The following HEATR1 variants were observed in gnomAD, a reference collection of about 807,000 sequenced individuals.
HEATR1 encodes HEAT repeat containing 1.
In HEATR1, 77 loss-of-function variants were observed where a neutral mutation model predicts 248.2. The observed-to-expected ratio is 0.31, with a 90% CI of 0.26 to 0.37. The LOEUF is 0.37. Among genes scored for constraint, HEATR1 ranks in the 10% least tolerant of loss-of-function variants. HEATR1 has a pLI of 1.00. For missense variants in HEATR1, 2,420 were observed against 2,504.9 expected (o/e 0.97, Z 0.72); for synonymous variants, 897 against 923.1 (o/e 0.97, Z 0.51).
chr1:236,572,912 T>A lies in HEATR1; in HGVS notation c.3460-84A>T, dbSNP rs996490341. 17 of 1,223,196 alleles carry A rather than the reference T, an allele frequency of 1.4e-5. No individual in the cohort carries two copies. In the Admixed American group the frequency reaches 2.8e-4, roughly 20 times the overall value. 75.8% of individuals were successfully genotyped at this position (1,223,196 alleles called of 1,614,324 possible). A position where few individuals can be genotyped will look rare whatever the true frequency, so the allele number is the denominator to read the frequency against. On this transcript the variant is annotated intron_variant, in intron 24 of 44. Coordinates refer to ENST00000366582, the MANE Select transcript of HEATR1 (RefSeq NM_018072.6). ...ATAAATGTTAACCCCTAGGAAGGAT[T>A]TATTCAATTAAGAGGGAAGAATGAC...
chr1:236,603,373 C>A lies in HEATR1; in HGVS notation c.146G>T (p.Cys49Phe). The A allele has an allele frequency of 6.2e-7, 1 of 1,613,084 alleles. No individual in the cohort carries two copies. Among genetic ancestry groups the A allele is most frequent in the Non-Finnish European group, 8.5e-7 (1 of 1,179,666 alleles). The change falls in exon 3 of 45, where the codon TGT (cysteine) becomes TTT (phenylalanine). Residue 49 changes from cysteine (C) to phenylalanine (F), a missense_variant. Transcript: ENST00000366582. ...TCCAAGCAACTCTTCCAGGCCAGTACATCCTAAATTTCAAAAAAGGCCAGT... is the reference window on the plus strand; with the variant it reads ...TCCAAGCAACTCTTCCAGGCCAGTAAATCCTAAATTTCAAAAAAGGCCAGT... Reference protein sequence around the residue: ...IDRDTAFAIGCTGLEELLGID... With the variant: ...IDRDTAFAIGFTGLEELLGID...
Position 236,588,000 on chromosome 1 carries a change from C to A in HEATR1, c.1574G>T (p.Arg525Leu), listed in dbSNP as rs372480318. 2 of 1,612,474 alleles carry A rather than the reference C, an allele frequency of 1.2e-6. No individual in the cohort carries two copies. Among genetic ancestry groups the A allele is most frequent in the South Asian group, 1.1e-5 (1 of 90,810 alleles). ...ESFIKEAVLA[R>L]LGDDNIDVVL... ...AACATCTATATTATCATCACCTAAT[C>A]GGGCTAAAACAGCTTCTTTTATGAA... Residue 525 changes from arginine (R) to leucine (L), a missense_variant, in exon 13 of 45, where the codon CGA becomes CTA. Arg to Leu is a moderately radical substitution (Grantham distance 102). Coordinates refer to ENST00000366582, the MANE Select transcript of HEATR1 (RefSeq NM_018072.6).
Position 236,558,397 on chromosome 1 carries a change from C to T in HEATR1, c.5044G>A (p.Gly1682Ser), listed in dbSNP as rs771843600. 9 of 1,614,056 alleles carry T rather than the reference C, an allele frequency of 5.6e-6. No individual in the cohort carries two copies. In the African/African-American group the frequency reaches 1.2e-4, roughly 22 times the overall value. Reference sequence around the variant, plus strand: ...ACAAAAGGATCTGGATTTTCTGCACCAAAATTCTTGCATAAAAGCTTTAAG... The same window carrying T: ...ACAAAAGGATCTGGATTTTCTGCACTAAAATTCTTGCATAAAAGCTTTAAG... ...YTLKLLCKNF[G>S]AENPDPFVPV... Residue 1682 changes from glycine (G) to serine (S), a missense_variant, in exon 36 of 45, where the codon GGT becomes AGT. Physicochemically the swap from Gly to Ser is moderately conservative, Grantham distance 56 (BLOSUM62 0). Transcript: ENST00000366582.
Position 236,550,879 on chromosome 1 carries a change from A to G in HEATR1, c.*23T>C. The G allele has an allele frequency of 6.5e-7, 1 of 1,538,710 alleles. No homozygotes were observed. The highest frequency in any genetic ancestry group is 1.7e-4 in the Middle Eastern group (1 of 5,756). On this transcript the variant is annotated 3_prime_UTR_variant, in exon 45 of 45. Coordinates refer to ENST00000366582, the MANE Select transcript of HEATR1 (RefSeq NM_018072.6). ...AAATATGAGTGTGAACTCTGAGTAG[A>G]GTATGAAACACCACAGAAAGTCTTA...
chr1:236,560,754 G>A (rs12061537), intron 33 of HEATR1, among the ~76,000 whole-genome samples: 6,247 of 152,250 alleles, frequency 0.041, 434 homozygotes, highest in African/African-American at 0.14. Context: ...GCAGCATATG[G>A]ATTAGAATCC....
Position 236,555,277 on chromosome 1 carries a change from A to G in HEATR1, c.5923+19T>C. The G allele has an allele frequency of 6.2e-7, 1 of 1,612,654 alleles. No individual in the cohort carries two copies. The highest frequency in any genetic ancestry group is 8.5e-7 in the Non-Finnish European group (1 of 1,179,158). Reference sequence around the variant, plus strand: ...GCACACAGGGCAAGGGTGACAGCTGAACTGAAGCGACCACCCACCTGTTTT... The same window carrying G: ...GCACACAGGGCAAGGGTGACAGCTGGACTGAAGCGACCACCCACCTGTTTT... On this transcript the variant is annotated intron_variant, in intron 41 of 44. Transcript: ENST00000366582.
chr1:236,575,145 A>C (rs1427681286), intron 22 of HEATR1, among the ~76,000 whole-genome samples: 2 of 152,222 alleles, frequency 1.3e-5, no homozygotes, highest in African/African-American at 4.8e-5. Flanking sequence ...CAGAAAGATA[A>C]TCTGTGAGCA....
At chr1:236,575,648 CCA>C (rs2103137335) in intron 22 of HEATR1, among the ~76,000 whole-genome samples, 1 of 152,214 alleles carries the variant, frequency 6.6e-6, no homozygotes, top group African/African-American at 2.4e-5. Flanking sequence ...TTCTCTAAGC[CCA>C]CAGTCAGTCT....
In HEATR1 at chr1:236,571,595, A is replaced by T. The variant is rs1663428162; in HGVS notation, c.3799T>A (p.Ser1267Thr). 1 of 1,613,882 alleles carries T rather than the reference A, an allele frequency of 6.2e-7. No individual in the cohort carries two copies. The highest frequency in any genetic ancestry group is 1.3e-5 in the African/African-American group (1 of 74,940). ...SCLLNICQKLSPDGGKIPKDI... is the reference protein window; with the variant it reads ...SCLLNICQKLTPDGGKIPKDI... The stretch of plus-strand genomic sequence containing the variant: ...TTGGGTATTTTGCCACCATCTGGAG[A>T]TAGTTTTTGGCAGATGTTGAGCAGA... The change falls in exon 27 of 45, where the codon TCT (serine) becomes ACT (threonine). Residue 1267 changes from serine (S) to threonine (T), a missense_variant. Physicochemically the swap from Ser to Thr is moderately conservative, Grantham distance 58. Coordinates refer to ENST00000366582, the MANE Select transcript of HEATR1 (RefSeq NM_018072.6).
intron 25 of HEATR1, 77 bp from the exon 26 acceptor site, chr1:236,572,631 T>C (rs996733961): frequency 1.1e-5 from 18 of 1,602,776 alleles, no homozygotes; most frequent in Non-Finnish European, 1.5e-5. Context: ...TGCCTGATTA[T>C]AGCAAATTGA....
intron 44 of HEATR1, chr1:236,551,409 T>C (rs571593849): frequency 6.1e-6 from 1 of 165,128 alleles, no homozygotes; most frequent in Admixed American, 6.0e-5. Flanking sequence ...GGCCTAAGAC[T>C]CTATGTTCCA....
chr1:236,555,493 T>C (rs756086236), intron 40 of HEATR1, 29 bp from the exon 41 acceptor site: 1 of 1,614,124 alleles, frequency 6.2e-7, no homozygotes, highest in Admixed American at 1.7e-5. Flanking sequence ...ATTAGTTTCT[T>C]CGACATCTTG....
chr1:236,572,168 A>G (rs1053966097), intron 26 of HEATR1, among the ~76,000 whole-genome samples: 1 of 152,206 alleles, frequency 6.6e-6, no homozygotes, highest in Admixed American at 6.5e-5. Flanking sequence ...ACGCTACTGA[A>G]AAGTTCAGAG....
chr1:236,599,732 G>C (rs552603770), intron 3 of HEATR1, 108 bp from the exon 4 acceptor site: 63 of 1,021,800 alleles, frequency 6.2e-5, no homozygotes, highest in Non-Finnish European at 8.4e-5. Context: ...AACCTAGAAC[G>C]AGTAGCAGTA....
chr1:236,581,141 A>T (rs1356360130), intron 20 of HEATR1, 81 bp downstream of exon 20: 10 of 1,239,060 alleles, frequency 8.1e-6, no homozygotes, highest in Admixed American at 6.4e-5. Context: ...TTTAAGTTAT[A>T]ATTTTCCAAA....
intron 22 of HEATR1, among the ~76,000 whole-genome samples, chr1:236,575,800 G>C (rs1050245572): frequency 3.3e-5 from 5 of 152,128 alleles, no homozygotes; most frequent in Admixed American, 2.6e-4. Flanking sequence ...AAAACACAAT[G>C]AAAGCTCTAA....
Position 236,576,839 on chromosome 1 carries a change from T to C in HEATR1, c.2866A>G (p.Ile956Val), listed in dbSNP as rs1181882448. Residue 956 changes from isoleucine to valine, a missense_variant, in exon 21 of 45, where the codon ATA becomes GTA. By Grantham distance (29) the Ile-to-Val change is conservative. Transcript: ENST00000366582. ...TCTGCTTTAGAAATCAAATGATCTA[T>C]TATCAGATAAAACGGGGATGCCACT... ...SGVASPFYLI[I>V]DHLISKAEEI... The C allele has an allele frequency of 5.6e-6, 9 of 1,613,972 alleles. No individual in the cohort carries two copies. The highest frequency in any genetic ancestry group is 7.6e-6 in the Non-Finnish European group (9 of 1,179,974).
chr1:236,604,052 T>C lies in HEATR1; in HGVS notation c.44A>G (p.Gln15Arg). 2.5e-6 allele frequency: 4 copies of C among 1,584,028 alleles called. No individual in the cohort carries two copies. The highest frequency in any genetic ancestry group is 3.4e-6 in the Non-Finnish European group (4 of 1,169,680). The change falls in exon 2 of 45, where the codon CAA (glutamine) becomes CGA (arginine). Residue 15 changes from glutamine (Q) to arginine (R), a missense_variant. By Grantham distance (43) the Gln-to-Arg change is conservative. Transcript: ENST00000366582. ...AQQLQRLALP[Q>R]SDASLLSRDE... is the part of the protein sequence containing the mutation. ...TCTAGATAAGAGGCTGGCATCACTT[T>C]GAGGGAGGGCGAGTCGTTGCAGCTG...
chr1:236,590,237 G>A (rs759825536), intron 12 of HEATR1, among the ~76,000 whole-genome samples: 16 of 148,752 alleles, frequency 1.1e-4, no homozygotes, highest in South Asian at 2.1e-4. Flanking sequence ...CAAATTTCTC[G>A]GTTTTTTTTT....
Sources: gnomAD v4.1 joint callset for allele counts (sites outside exome capture counted in the v4.1 genomes callset) on GRCh38, gnomAD v4.1.1 for gene constraint, MANE v1.5 for transcripts, NCBI Gene and HGNC (gene_info 2026-07-23, HGNC 2026-07-21) for gene names.